The following MYH2 variants were observed in gnomAD, a reference collection of about 807,000 sequenced individuals.
The protein encoded by MYH2 is myosin heavy chain 2.
A neutral mutation model predicts 228.1 loss-of-function variants in MYH2; 139 were observed. That is an observed-to-expected ratio of 0.61 (90% CI 0.53 to 0.70). The LOEUF (loss-of-function observed/expected upper bound fraction) is 0.70. Ranked by LOEUF, MYH2 falls within the 30% of genes least tolerant of loss-of-function variation. The pLI is 0.00. For synonymous variants in MYH2, 796 were observed against 871.1 expected (o/e 0.91, Z 1.52); for missense variants, 1,809 against 2,357.5 (o/e 0.77, Z 4.82).
intron 5 of MYH2, among the ~76,000 whole-genome samples, chr17:10,545,090 T>C (rs2073610153): frequency 6.6e-6 from 1 of 152,074 alleles, no homozygotes; most frequent in Non-Finnish European, 1.5e-5. Flanking sequence ...AGTTTCTGAG[T>C]CATTCAAAAG....
intron 22 of MYH2, among the ~76,000 whole-genome samples, chr17:10,531,274 G>C (rs963107472): frequency 6.6e-6 from 1 of 152,096 alleles, no homozygotes; most frequent in African/African-American, 2.4e-5. Context: ...GGAAGTTTCC[G>C]AAAAATATTA....
chr17:10,533,729 A>T, intron 19 of MYH2, 97 bp from the exon 20 acceptor site: 1 of 1,470,786 alleles, frequency 6.8e-7, no homozygotes. Flanking sequence ...GAGCTTTAAA[A>T]AAATATTATT....
intron 22 of MYH2, among the ~76,000 whole-genome samples, chr17:10,531,112 T>G (rs2142302430): frequency 6.6e-6 from 1 of 152,304 alleles, no homozygotes; most frequent in Admixed American, 6.5e-5. Flanking sequence ...TGTGACATGA[T>G]GGGACACTGA....
chr17:10,523,064 A>T, intron 39 of MYH2, 26 bp downstream of exon 39: 1 of 1,501,050 alleles, frequency 6.7e-7, no homozygotes, highest in Non-Finnish European at 9.3e-7. Context: ...GCTTAATTTG[A>T]GGACTTCAAT....
chr17:10,547,762 C>T lies in MYH2; in HGVS notation c.159G>A (p.Gln53=), dbSNP rs374712321. 13 of 1,614,126 alleles carry T rather than the reference C, an allele frequency of 8.1e-6. No individual in the cohort carries two copies. Among genetic ancestry groups the T allele is most frequent in the Admixed American group, 1.7e-5 (1 of 60,004 alleles). Residue 53 remains glutamine, a synonymous_variant, in exon 3 of 40, where the codon CAG becomes CAA. Coordinates refer to ENST00000245503, the MANE Select transcript of MYH2 (RefSeq NM_017534.6). The part of the protein sequence containing the change: ...PKESFVKGTI[Q]SREGGKVTVK... Reference sequence around the variant, plus strand: ...CCGTCACTTTTCCTCCTTCTCTGCTCTGGATGGTCCCTTTGACAAAGGATT... The same window carrying T: ...CCGTCACTTTTCCTCCTTCTCTGCTTTGGATGGTCCCTTTGACAAAGGATT...
chr17:10,521,847 A>T (rs541439201), intron 39 of MYH2, among the ~76,000 whole-genome samples: 1 of 152,270 alleles, frequency 6.6e-6, no homozygotes, highest in East Asian at 1.9e-4. Context: ...GGATTTTGTC[A>T]TGTATCATTT....
Position 10,531,830 on chromosome 17 carries a change from G to T in MYH2, c.2500C>A (p.Pro834Thr), listed in dbSNP as rs1032883961. 6.2e-7 allele frequency: 1 copy of T among 1,614,012 alleles called. No individual in the cohort carries two copies. Among genetic ancestry groups the T allele is most frequent in the Non-Finnish European group, 8.5e-7 (1 of 1,179,952 alleles). Residue 834 changes from proline (P) to threonine (T), a missense_variant, in exon 22 of 40, where the codon CCC (proline) becomes ACC (threonine). Coordinates refer to ENST00000245503, the MANE Select transcript of MYH2 (RefSeq NM_017534.6). ...IRSFMNVKHW[P>T]WMKLFFKIKP... Reference sequence around the variant, plus strand: ...ATCTTGAAGAAGAGTTTCATCCAGGGCCAGTGCTTGACATTCATGAAGGAT... The same window carrying T: ...ATCTTGAAGAAGAGTTTCATCCAGGTCCAGTGCTTGACATTCATGAAGGAT...
chr17:10,534,852 G>A (rs1192578816), intron 19 of MYH2, among the ~76,000 whole-genome samples: 3 of 152,310 alleles, frequency 2.0e-5, no homozygotes, highest in African/African-American at 7.2e-5. Context: ...AGGAGGCAGA[G>A]GTTGCAGTGA....
chr17:10,548,079 G>T, intron 2 of MYH2, 139 bp from the exon 3 acceptor site: 4 of 757,210 alleles, frequency 5.3e-6, no homozygotes, highest in Non-Finnish European at 8.7e-6. Flanking sequence ...TAGTTACTGA[G>T]ACAAACATAA....
intron 22 of MYH2, 119 bp from the exon 23 acceptor site, chr17:10,530,193 C>A: frequency 1.3e-6 from 2 of 1,570,924 alleles, no homozygotes. Context: ...TTTACTCCTT[C>A]ACAAATTTTT....
rs2073335787 is a variant in MYH2 at position 10,525,237 on chromosome 17, A to G, written c.4649T>C (p.Leu1550Ser). ...TTTTACATGTACCTCTGCTTCTTCT[A>G]AAGCAGCCTGAAGTTCACACTTTTC... The part of the protein sequence containing the change: ...EQEKCELQAA[L>S]EEAEASLEHE... Residue 1550 changes from leucine (L) to serine (S), a missense_variant, in exon 33 of 40, where the codon TTA becomes TCA. Leu to Ser is a moderately radical substitution (Grantham distance 145, BLOSUM62 -2). This residue lies in a region of MYH2 where 636 missense variants were observed against 729.9 expected (regional missense o/e 0.87). Coordinates refer to ENST00000245503, the MANE Select transcript of MYH2 (RefSeq NM_017534.6). The surrounding 1 kb of genome is among the most constrained non-coding windows in gnomAD (Gnocchi z 4.2). The G allele has an allele frequency of 1.9e-6, 3 of 1,613,976 alleles. No individual in the cohort carries two copies. The highest frequency in any genetic ancestry group is 1.3e-5 in the African/African-American group (1 of 74,916).
At position 10,537,521 on chromosome 17, in the gene MYH2, G is replaced by T; in HGVS notation, c.1609C>A (p.Leu537Met). 6.2e-7 allele frequency: 1 copy of T among 1,614,192 alleles called. No individual in the cohort carries two copies. Among genetic ancestry groups the T allele is most frequent in the Non-Finnish European group, 8.5e-7 (1 of 1,180,040 alleles). The change falls in exon 16 of 40, where the codon CTG becomes ATG. Residue 537 changes from leucine to methionine, a missense_variant. By Grantham distance (15) the Leu-to-Met change is conservative (BLOSUM62 2). Transcript: ENST00000245503. The surrounding 1 kb of genome is among the most constrained non-coding windows in gnomAD (Gnocchi z 4.0). ...TTAGGGAACATGCACTCCTCTTCCA[G>T]GATGGAGAAGATGCCCATAGGCTAA... ...IEKPMGIFSILEEECMFPKAT... is the reference protein window; with the variant it reads ...IEKPMGIFSIMEEECMFPKAT...
At position 10,533,285 on chromosome 17, in the gene MYH2, C is replaced by T; in HGVS notation, c.2441G>A (p.Arg814Lys). 6.2e-7 allele frequency: 1 copy of T among 1,613,906 alleles called. No individual in the cohort carries two copies. Among genetic ancestry groups the T allele is most frequent in the South Asian group, 1.1e-5 (1 of 91,060 alleles). Residue 814 changes from arginine to lysine, a missense_variant and splice_region_variant, in exon 21 of 40, where the codon AGG (arginine) becomes AAG (lysine). Coordinates refer to ENST00000245503, the MANE Select transcript of MYH2 (RefSeq NM_017534.6). ...ATGTGAATAAACATATTTTTTATAC[C>T]TTCTCTCCACCATCCTCTGGTACTC... ...RVEYQRMVER[R>K]EAIFCIQYNI... is the part of the protein sequence containing the mutation.
chr17:10,534,094 GCCA>G (rs1000747890), intron 19 of MYH2, among the ~76,000 whole-genome samples: 4 of 152,176 alleles, frequency 2.6e-5, no homozygotes, highest in Admixed American at 2.6e-4. Flanking sequence ...CTCTGTCAGT[GCCA>G]CCTGACCCAG....
At chr17:10,546,883 C>T (rs909164339) in intron 4 of MYH2, among the ~76,000 whole-genome samples, 3 of 150,784 alleles carry the variant, frequency 2.0e-5, no homozygotes, top group Non-Finnish European at 4.4e-5. Flanking sequence ...AGTTCGAGAC[C>T]AGTCTGGGCA....
At position 10,529,967 on chromosome 17, in the gene MYH2, C is replaced by T. The variant is rs759123552; in HGVS notation, c.2805G>A (p.Glu935=). The change falls in exon 23 of 40, where the codon GAG becomes GAA. Residue 935 remains glutamate, a synonymous_variant. Coordinates refer to ENST00000245503, the MANE Select transcript of MYH2 (RefSeq NM_017534.6). The stretch of plus-strand genomic sequence containing the variant: ...CTGTCAGCTCAGCATTGATCTCTTC[C>T]TCATCCTCAGCTCTCTCAGTCACCT... ...IKEVTERAED[E]EEINAELTAK... The T allele has an allele frequency of 6.2e-7, 1 of 1,614,042 alleles. No individual in the cohort carries two copies. The highest frequency in any genetic ancestry group is 8.5e-7 in the Non-Finnish European group (1 of 1,179,960).
At position 10,521,600 on chromosome 17, in the gene MYH2, T is replaced by TACACAC. The variant is rs374726017; in HGVS notation, c.5674-174_5674-169dup. Among the ~76,000 whole-genome samples, 735 of 150,824 alleles carry TACACAC rather than the reference T, an allele frequency of 4.9e-3. 6 individuals carry two copies. The highest frequency in any genetic ancestry group is 0.017 in the African/African-American group (705 of 41,078). Reference sequence around the variant, plus strand: ...GATGTCATATATATATATATATATATACACACACACATACATACATACGTA... The same window carrying TACACAC: ...GATGTCATATATATATATATATATATACACACACACACACACATACATACATACGTA... On this transcript the variant is annotated intron_variant, in intron 39 of 39. Coordinates refer to ENST00000245503, the MANE Select transcript of MYH2 (RefSeq NM_017534.6).
chr17:10,544,161 T>C, intron 5 of MYH2, 34 bp from the exon 6 acceptor site: 1 of 1,605,406 alleles, frequency 6.2e-7, no homozygotes, highest in Non-Finnish European at 8.5e-7. Flanking sequence ...TAATACTGTT[T>C]TCTTACATAT....
At chr17:10,529,769 G>C (rs1048323940) in intron 23 of MYH2, 29 bp from the exon 24 acceptor site, 2 of 1,613,886 alleles carry the variant, frequency 1.2e-6, no homozygotes, top group African/African-American at 2.7e-5. Context: ...CAGTTTAGTT[G>C]CTATAAAGCA....
Sources: gnomAD v4.1 joint callset for allele counts (sites outside exome capture counted in the v4.1 genomes callset) on GRCh38, gnomAD v4.1.1 for gene constraint, gnomAD v4.1.1 regional missense constraint, Gnocchi (gnomAD v3.1) non-coding constraint, MANE v1.5 for transcripts, NCBI Gene and HGNC (gene_info 2026-07-23, HGNC 2026-07-21) for gene names.